Variants in FAIM2 observed in about 807,000 individuals in gnomAD.
FAIM2 encodes Fas apoptotic inhibitory molecule 2, also known as protein lifeguard 2.
A neutral mutation model predicts 47.4 loss-of-function variants in FAIM2; 27 were observed. That is an observed-to-expected ratio of 0.57 (90% CI 0.42 to 0.78). The LOEUF (loss-of-function observed/expected upper bound fraction) is 0.78. FAIM2 is among the 30% of genes least tolerant of loss of function. FAIM2 has a pLI of 0.00. For missense variants in FAIM2, 311 were observed against 389.4 expected, an observed-to-expected ratio of 0.80 and a Z score of 1.69; for synonymous variants, 156 against 159.3, an observed-to-expected ratio of 0.98 and a Z score of 0.16.
Position 49,886,002 on chromosome 12 carries a change from C to T in FAIM2, c.801+1384G>A, listed in dbSNP as rs150479949. 1.3e-3 allele frequency among the ~76,000 whole-genome samples: 201 copies of T among 152,296 alleles called. 1 individual carries two copies. Among genetic ancestry groups the T allele is most frequent in the East Asian group, 3.7e-3 (19 of 5,180 alleles). ...CTCTGCTCACAGCTCTCTCCCCATC[C>T]CTTCCCCCATTTCAGCCCCCTCAGC... is the stretch of plus-strand genomic sequence containing the variant. On this transcript the variant is annotated intron_variant, in intron 11 of 11. Transcript: ENST00000320634.
chr12:49,880,494 A>ATGTGTGTGTATGTGTGTGTATATG (rs1555158553), intron 11 of FAIM2, among the ~76,000 whole-genome samples: 1 of 138,816 alleles, frequency 7.2e-6, no homozygotes, highest in African/African-American at 2.6e-5. Flanking sequence ...ATGCATGTGT[A>ATGTGTGTGTATGTGTGTGTATATG]TGTGTGTGTA....
chr12:49,885,540 T>A (rs1946855180), intron 11 of FAIM2, among the ~76,000 whole-genome samples: 1 of 152,136 alleles, frequency 6.6e-6, no homozygotes, highest in African/African-American at 2.4e-5. Flanking sequence ...CTGAGAAAAG[T>A]TAGTGTCTTC....
At chr12:49,889,432 C>A in intron 9 of FAIM2, 49 bp downstream of exon 9, 1 of 1,552,488 alleles carries the variant, frequency 6.4e-7, no homozygotes, top group South Asian at 1.1e-5. Context: ...CTGCCTTCCC[C>A]TGCTCAGCCT....
chr12:49,879,259 TATGTGTGC>T (rs1190412574), intron 11 of FAIM2, among the ~76,000 whole-genome samples: 2 of 110,136 alleles, frequency 1.8e-5, no homozygotes, highest in Non-Finnish European at 3.5e-5. Flanking sequence ...TGCATGTGTG[TATGTGTGC>T]ATGTGTATAT....
At position 49,874,414 on chromosome 12, in the gene FAIM2, T is replaced by C. The variant is rs919330371; in HGVS notation, c.802-3761A>G. 6.6e-6 allele frequency among the ~76,000 whole-genome samples: 1 copy of C among 151,964 alleles called. No individual in the cohort carries two copies. The highest frequency in any genetic ancestry group is 2.4e-5 in the African/African-American group (1 of 41,374). ...GTGCCGTCTCCTATGCTGGTGGAGA[T>C]AGGGGAGGAGTGGGCTTGCAGGGAG... On this transcript the variant is annotated intron_variant, in intron 11 of 11. Transcript: ENST00000320634. The surrounding 1 kb of genome is among the most constrained non-coding windows in gnomAD (Gnocchi z 4.2).
intron 11 of FAIM2, among the ~76,000 whole-genome samples, chr12:49,876,431 ATC>A (rs1946736795): frequency 6.6e-6 from 1 of 152,178 alleles, no homozygotes; most frequent in African/African-American, 2.4e-5. Flanking sequence ...GCCAGGCTAA[ATC>A]TGGTGATTTA....
chr12:49,886,437 G>T lies in FAIM2; in HGVS notation c.801+949C>A, dbSNP rs7979698. Among the ~76,000 whole-genome samples, 709 of 152,220 alleles carry T rather than the reference G, an allele frequency of 4.7e-3. 2 individuals carry two copies. Among genetic ancestry groups the T allele is most frequent in the Non-Finnish European group, 7.5e-3 (510 of 68,010 alleles). On this transcript the variant is annotated intron_variant, in intron 11 of 11. Coordinates refer to ENST00000320634, the MANE Select transcript of FAIM2 (RefSeq NM_012306.4). ...CTGTGTGACCTTGGGCATGTTATTT[G>T]ATATCTCTGAGCTTCAGTTTCCCCA...
chr12:49,878,365 T>C (rs549576129), intron 11 of FAIM2, among the ~76,000 whole-genome samples: 3 of 137,142 alleles, frequency 2.2e-5, no homozygotes, highest in African/African-American at 8.2e-5. Context: ...TGTGTGTATA[T>C]GTGGGCATGT....
At chr12:49,879,895 TATGTGC>T (rs1049337529) in intron 11 of FAIM2, among the ~76,000 whole-genome samples, 5 of 150,704 alleles carry the variant, frequency 3.3e-5, no homozygotes, top group Admixed American at 3.3e-4. Flanking sequence ...TGTGCATGTG[TATGTGC>T]ATGTGTATAT....
At chr12:49,901,414 C>T in intron 1 of FAIM2, 89 bp from the exon 2 acceptor site, 1 of 1,046,668 alleles carries the variant, frequency 9.6e-7, no homozygotes, top group Non-Finnish European at 1.3e-6. Flanking sequence ...ATTCCTGGAA[C>T]TTTCATGGTT....
chr12:49,892,673 C>G (rs1003358938), intron 5 of FAIM2, among the ~76,000 whole-genome samples: 1 of 152,130 alleles, frequency 6.6e-6, no homozygotes, highest in African/African-American at 2.4e-5. Context: ...GCCTGGTTCC[C>G]TCGATGTGGG....
At chr12:49,898,914 A>G (rs866862251) in intron 2 of FAIM2, among the ~76,000 whole-genome samples, 1 of 150,238 alleles carries the variant, frequency 6.7e-6, no homozygotes. Context: ...GCTGGAAACC[A>G]GGGCTTCAGG....
chr12:49,871,615 T>G (rs1326316387), intron 11 of FAIM2, among the ~76,000 whole-genome samples: 1 of 151,892 alleles, frequency 6.6e-6, no homozygotes, highest in Non-Finnish European at 1.5e-5. Flanking sequence ...ATCTCAAAGG[T>G]GATGAAGCAC....
At chr12:49,889,429 C>A in intron 9 of FAIM2, 52 bp downstream of exon 9, 1 of 1,533,324 alleles carries the variant, frequency 6.5e-7, no homozygotes, top group Non-Finnish European at 9.0e-7. Flanking sequence ...CATCTGCCTT[C>A]CCCTGCTCAG....
chr12:49,875,569 A>G lies in FAIM2; in HGVS notation c.802-4916T>C, dbSNP rs1302424135. 2.6e-5 allele frequency among the ~76,000 whole-genome samples: 4 copies of G among 152,304 alleles called. No homozygotes were observed. The East Asian group carries it at 7.7e-4, about 29-fold the overall frequency. On this transcript the variant is annotated intron_variant, in intron 11 of 11. Coordinates refer to ENST00000320634, the MANE Select transcript of FAIM2 (RefSeq NM_012306.4). ...CACAGACAACATTTGCACCCCCAGG[A>G]GGGCCACCAAAGGAACAGGGTCTGG...
intron 2 of FAIM2, among the ~76,000 whole-genome samples, chr12:49,898,808 A>G (rs1231198747): frequency 2.0e-5 from 3 of 152,144 alleles, no homozygotes; most frequent in Non-Finnish European, 4.4e-5. Context: ...GATTACAGGT[A>G]TGAGCCACTG....
intron 11 of FAIM2, among the ~76,000 whole-genome samples, chr12:49,871,646 T>C (rs570641529): frequency 6.7e-6 from 1 of 150,294 alleles, no homozygotes; most frequent in African/African-American, 2.5e-5. Context: ...GGGATTGGAA[T>C]TTTTTTTCTT....
rs141815105 is a variant in FAIM2 at position 49,877,346 on chromosome 12, T to A, written c.802-6693A>T. Among the ~76,000 whole-genome samples, 406 of 152,298 alleles carry A rather than the reference T, an allele frequency of 2.7e-3. 2 individuals are homozygous for A. Among genetic ancestry groups the A allele is most frequent in the African/African-American group, 9.4e-3 (390 of 41,556 alleles). On this transcript the variant is annotated intron_variant, in intron 11 of 11. Coordinates refer to ENST00000320634, the MANE Select transcript of FAIM2 (RefSeq NM_012306.4). ...CCAGCCCAGAGGAACCCACGCCACT[T>A]CCAGGTTGTCTGGGTGGGGCGTCGG...
At chr12:49,889,990 G>T in intron 8 of FAIM2, 127 bp downstream of exon 8, 4 of 900,650 alleles carry the variant, frequency 4.4e-6, no homozygotes, top group African/African-American at 1.6e-5. Flanking sequence ...AAAGCCTCCT[G>T]CATGCCTGAG....
Sources: gnomAD v4.1 joint callset for allele counts (sites outside exome capture counted in the v4.1 genomes callset) on GRCh38, gnomAD v4.1.1 for gene constraint, Gnocchi (gnomAD v3.1) non-coding constraint, MANE v1.5 for transcripts, NCBI Gene and HGNC (gene_info 2026-07-23, HGNC 2026-07-21) for gene names.